RIOX2: variants seen among roughly 807,000 people sequenced by gnomAD.
RIOX2 encodes the protein ribosomal oxygenase 2.
Under a neutral mutation model 51.2 loss-of-function variants are expected in RIOX2, and 43 were observed. The observed-to-expected ratio is 0.84, with a 90% confidence interval of 0.66 to 1.08. RIOX2 has a LOEUF of 1.08. Among genes scored for constraint, RIOX2 ranks in the 50% least tolerant of loss-of-function variants. The pLI, the probability that RIOX2 is intolerant of heterozygous loss-of-function variation, is 0.00. For missense variants in RIOX2, 566 were observed against 561.7 expected (o/e 1.01, Z -0.08); for synonymous variants, 226 against 218.5 (o/e 1.03, Z -0.30).
At chr3:97,949,775 C>A in intron 7 of RIOX2, 69 bp downstream of exon 7, 1 of 1,417,022 alleles carries the variant, frequency 7.1e-7, no homozygotes, top group Admixed American at 2.0e-5. Context: ...CAAAAAGGAG[C>A]CTACCCAGAA....
chr3:97,955,337 C>G (rs1705409040), intron 4 of RIOX2, among the ~76,000 whole-genome samples: 2 of 152,090 alleles, frequency 1.3e-5, no homozygotes, highest in Admixed American at 6.5e-5. Flanking sequence ...CAAATTACTC[C>G]TGCCCTGAGC....
chr3:97,949,795 A>T, intron 7 of RIOX2, 49 bp downstream of exon 7: 1 of 1,558,750 alleles, frequency 6.4e-7, no homozygotes, highest in Non-Finnish European at 8.7e-7. Context: ...AAAACCGTAA[A>T]CATCCTGCAT....
chr3:97,954,704 C>T (rs1239085428), intron 4 of RIOX2, among the ~76,000 whole-genome samples: 2 of 152,044 alleles, frequency 1.3e-5, no homozygotes, highest in African/African-American at 4.8e-5. Context: ...AACCATGATC[C>T]ACGAGAGGCT....
rs944653359 is a variant in RIOX2, at chr3:97,941,824, C to T, written c.*3360G>A. The T allele has an allele frequency of 6.5e-6, 1 of 153,314 alleles. No homozygotes were observed. The highest frequency in any genetic ancestry group is 1.5e-5 in the Non-Finnish European group (1 of 68,928). 9.5% of individuals were successfully genotyped at this position (153,314 alleles called of 1,614,324 possible). On this transcript the variant is annotated 3_prime_UTR_variant, in exon 10 of 10. Coordinates refer to ENST00000394198, the MANE Select transcript of RIOX2 (RefSeq NM_153182.4). The stretch of plus-strand genomic sequence containing the variant: ...AATAGAACACTACTTTAAAAACATT[C>T]AAACTGTGTTTTATTGTATCACCAA...
chr3:97,947,438 G>T lies in RIOX2; in HGVS notation c.1072C>A (p.Pro358Thr). ...AELSTPGGKLPRLDSVVRLQF... is the reference protein window; with the variant it reads ...AELSTPGGKLTRLDSVVRLQF... ...AGTCTCACTACACTGTCCAGCCTCG[G>T]TAACTTTCCACCTAGAAAACCCCAA... Residue 358 changes from proline (P) to threonine (T), a missense_variant, in exon 8 of 10, where the codon CCG (proline) becomes ACG (threonine). Physicochemically the swap from Pro to Thr is conservative, Grantham distance 38 (BLOSUM62 -1). Coordinates refer to ENST00000394198, the MANE Select transcript of RIOX2 (RefSeq NM_153182.4). 1 of 1,613,160 alleles carries T rather than the reference G, an allele frequency of 6.2e-7. No homozygotes were observed. Among genetic ancestry groups the T allele is most frequent in the Non-Finnish European group, 8.5e-7 (1 of 1,179,388 alleles).
intron 2 of RIOX2, 107 bp from the exon 3 acceptor site, chr3:97,961,815 A>G (rs918440432): frequency 2.5e-6 from 3 of 1,210,170 alleles, no homozygotes; most frequent in Admixed American, 3.1e-5. Context: ...TTTACTGCAC[A>G]ACTATTATAC....
chr3:97,967,034 T>C, intron 2 of RIOX2, 128 bp downstream of exon 2: 1 of 939,464 alleles, frequency 1.1e-6, no homozygotes, highest in South Asian at 1.6e-5. Flanking sequence ...ACCAAAGAGG[T>C]GCTACCCCTT....
intron 4 of RIOX2, among the ~76,000 whole-genome samples, chr3:97,958,673 C>A (rs1178630292): frequency 6.6e-6 from 1 of 152,212 alleles, no homozygotes; most frequent in African/African-American, 2.4e-5. Flanking sequence ...TAAGCAACTT[C>A]CAGCCCTGTG....
rs1283348860 is a variant in RIOX2 at position 97,945,733 on chromosome 3, TAATC to T, written c.1239+61_1239+64del. On this transcript the variant is annotated intron_variant, in intron 9 of 9. Coordinates refer to ENST00000394198, the MANE Select transcript of RIOX2 (RefSeq NM_153182.4). ...AAGCATATTACCTGTAAATCAAAAATAATCAATTCTTCCCAACCACCACCCAAGT... is the reference window on the plus strand; with the variant it reads ...AAGCATATTACCTGTAAATCAAAAATAATTCTTCCCAACCACCACCCAAGT... 23 of 1,251,882 alleles carry T rather than the reference TAATC, an allele frequency of 1.8e-5. No individual in the cohort carries two copies. In the East Asian group the frequency reaches 2.8e-4, roughly 15 times the overall value. 77.5% of individuals were successfully genotyped at this position (1,251,882 alleles called of 1,614,324 possible).
chr3:97,959,787 C>T (rs2107174354), intron 3 of RIOX2, among the ~76,000 whole-genome samples: 1 of 152,278 alleles, frequency 6.6e-6, no homozygotes, highest in Non-Finnish European at 1.5e-5. Context: ...ACTAGTCTAT[C>T]ATCTACTACC....
chr3:97,967,132 T>C, intron 2 of RIOX2, 30 bp downstream of exon 2: 1 of 1,594,650 alleles, frequency 6.3e-7, no homozygotes. Context: ...TTAAAATGTA[T>C]GAGGATTCTG....
intron 4 of RIOX2, among the ~76,000 whole-genome samples, chr3:97,957,401 CAGG>C (rs1414013683): frequency 1.3e-5 from 2 of 150,586 alleles, no homozygotes; most frequent in Non-Finnish European, 2.9e-5. Flanking sequence ...GAGGCTGAGG[CAGG>C]AGAATTGCTT....
Position 97,967,323 on chromosome 3 carries a change from T to G in RIOX2, c.271A>C (p.Ser91Arg), listed in dbSNP as rs756977294. The change falls in exon 2 of 10, where the codon AGC becomes CGC. Residue 91 changes from serine to arginine, a missense_variant. Physicochemically the swap from Ser to Arg is moderately radical, Grantham distance 110. Transcript: ENST00000394198. ...FKLTDLKSLC[S>R]RGMYYGRDVN... ...TCTCTTCCATAGTACATCCCCCGGCTGCACAGACTCTTCAGATCTGTTAGC... is the reference window on the plus strand; with the variant it reads ...TCTCTTCCATAGTACATCCCCCGGCGGCACAGACTCTTCAGATCTGTTAGC... 5.6e-6 allele frequency: 9 copies of G among 1,614,128 alleles called. 1 individual carries two copies.
At chr3:97,948,467 A>G (rs2040410776) in intron 7 of RIOX2, among the ~76,000 whole-genome samples, 1 of 152,172 alleles carries the variant, frequency 6.6e-6, no homozygotes, top group Non-Finnish European at 1.5e-5. Flanking sequence ...GATCACTGTC[A>G]CCATGATAGG....
chr3:97,967,092 T>G, intron 2 of RIOX2, 70 bp downstream of exon 2: 228 of 1,506,714 alleles, frequency 1.5e-4, no homozygotes, highest in Middle Eastern at 3.6e-4. Flanking sequence ...TATTCACCCT[T>G]GAGCTGATAT....
Position 97,967,222 on chromosome 3 carries a change from C to T in RIOX2, c.372G>A (p.Leu124=), listed in dbSNP as rs372696012. The change falls in exon 2 of 10, where the codon CTG becomes CTA. Residue 124 remains leucine (L), a synonymous_variant. Coordinates refer to ENST00000394198, the MANE Select transcript of RIOX2 (RefSeq NM_153182.4). ...NKDGKAHFLQ[L]RKDFDQKRAT... is the part of the protein sequence containing the mutation. Reference sequence around the variant, plus strand: ...CCCTTTTCTGATCAAAATCTTTTCTCAGCTGAAGAAAGTGTGCTTTGCCAT... The same window carrying T: ...CCCTTTTCTGATCAAAATCTTTTCTTAGCTGAAGAAAGTGTGCTTTGCCAT... 2.2e-5 allele frequency: 35 copies of T among 1,614,112 alleles called. No individual in the cohort carries two copies. Among genetic ancestry groups the T allele is most frequent in the Middle Eastern group, 3.3e-4 (2 of 6,084 alleles).
chr3:97,964,746 GAAC>G (rs1705818041), intron 2 of RIOX2, among the ~76,000 whole-genome samples: 1 of 137,008 alleles, frequency 7.3e-6, no homozygotes, highest in Non-Finnish European at 1.6e-5. Context: ...AAAGAAAATG[GAAC>G]AAAAGCTGCC....
Position 97,942,291 on chromosome 3 carries a change from A to G in RIOX2, c.*2893T>C. ...ATTTCTTAACCCTTTTAGGCCAGTG[A>G]TACATGTCTTGATGTGATTGGTGGC... On this transcript the variant is annotated 3_prime_UTR_variant, in exon 10 of 10. Coordinates refer to ENST00000394198, the MANE Select transcript of RIOX2 (RefSeq NM_153182.4). 6.2e-7 allele frequency: 1 copy of G among 1,607,534 alleles called. No individual in the cohort carries two copies. The highest frequency in any genetic ancestry group is 8.5e-7 in the Non-Finnish European group (1 of 1,176,190).
chr3:97,945,587 G>A, intron 9 of RIOX2: 1 of 606,776 alleles, frequency 1.6e-6, no homozygotes, highest in Non-Finnish European at 2.9e-6. Context: ...AAGGCTACAG[G>A]TCCCAGCTAG....
Sources: gnomAD v4.1 joint callset for allele counts (sites outside exome capture counted in the v4.1 genomes callset) on GRCh38, gnomAD v4.1.1 for gene constraint, MANE v1.5 for transcripts, NCBI Gene and HGNC (gene_info 2026-07-23, HGNC 2026-07-21) for gene names.